Variants in PDE11A observed in about 807,000 individuals in gnomAD.
PDE11A encodes dual 3',5'-cyclic-AMP and -GMP phosphodiesterase 11A.
In PDE11A, 100 loss-of-function variants were observed where a neutral mutation model predicts 100.5. The observed-to-expected ratio is 1.00, with a 90% CI of 0.85 to 1.18. The LOEUF (loss-of-function observed/expected upper bound fraction) is 1.18. Among genes scored for constraint, PDE11A ranks in the 50% most tolerant of loss-of-function variants. The probability of loss-of-function intolerance (pLI) is 0.00; values close to 1 mark genes in which losing one functional copy is unlikely to be tolerated. For synonymous variants in PDE11A, 381 were observed against 420.8 expected, an observed-to-expected ratio of 0.91 and a Z score of 1.16; for missense variants, 1,141 against 1,152.6, an observed-to-expected ratio of 0.99 and a Z score of 0.15.
chr2:178,011,230 A>C (rs2086270588), intron 2 of PDE11A, among the ~76,000 whole-genome samples: 1 of 152,246 alleles, frequency 6.6e-6, no homozygotes, highest in African/African-American at 2.4e-5. Context: ...TCTGAGTTGT[A>C]AGTATGCAGG....
intron 9 of PDE11A, among the ~76,000 whole-genome samples, chr2:177,796,907 C>CA (rs1430548200): frequency 1.6e-4 from 24 of 152,254 alleles, no homozygotes; most frequent in African/African-American, 5.5e-4. Context: ...CCAACAGAGA[C>CA]ACTGGCTATT....
At chr2:177,645,162 G>T (rs369166689) in intron 19 of PDE11A, among the ~76,000 whole-genome samples, 6 of 152,276 alleles carry the variant, frequency 3.9e-5, no homozygotes, top group African/African-American at 1.4e-4. Context: ...AAAGATAAAG[G>T]AGAACTAGGT....
At position 178,072,689 on chromosome 2, in the gene PDE11A, C is replaced by T. The variant is rs1574384255; in HGVS notation, c.-252G>A. On this transcript the variant is annotated 5_prime_UTR_variant, in exon 1 of 20. Coordinates refer to ENST00000286063, the MANE Select transcript of PDE11A (RefSeq NM_016953.4). ...ACAGGTGCCCAGCACTGAGCTGCCGCCGCTGCCCCGGCTCCTGTTCCGGAA... is the reference window on the plus strand; with the variant it reads ...ACAGGTGCCCAGCACTGAGCTGCCGTCGCTGCCCCGGCTCCTGTTCCGGAA... 1 of 1,408,372 alleles carries T rather than the reference C, an allele frequency of 7.1e-7. No individual in the cohort carries two copies. The highest frequency in any genetic ancestry group is 2.7e-5 in the East Asian group (1 of 37,434). The allele number at this position is 1,408,372 out of a possible 1,614,324, so 87.2% of individuals were successfully genotyped here.
chr2:177,972,101 G>T (rs572547955), intron 2 of PDE11A, among the ~76,000 whole-genome samples: 2 of 152,326 alleles, frequency 1.3e-5, no homozygotes, highest in East Asian at 3.9e-4. Flanking sequence ...TATAATAGGT[G>T]AGCAGAGCTA....
chr2:177,923,854 T>G (rs964424034), intron 2 of PDE11A, among the ~76,000 whole-genome samples: 1 of 152,228 alleles, frequency 6.6e-6, no homozygotes, highest in Non-Finnish European at 1.5e-5. Flanking sequence ...CTTAAGAATG[T>G]TAGGCTGATG....
At chr2:177,651,020 A>T (rs1393759792) in intron 19 of PDE11A, among the ~76,000 whole-genome samples, 1 of 152,236 alleles carries the variant, frequency 6.6e-6, no homozygotes, top group African/African-American at 2.4e-5. Context: ...CCTGTCACTT[A>T]CTATATATTC....
At chr2:178,065,272 G>T (rs1458408781) in intron 1 of PDE11A, among the ~76,000 whole-genome samples, 1 of 152,138 alleles carries the variant, frequency 6.6e-6, no homozygotes, top group Non-Finnish European at 1.5e-5. Flanking sequence ...ACTAAAAGCT[G>T]TTTCAGAGAA....
At chr2:177,920,093 T>G (rs148541753) in intron 2 of PDE11A, among the ~76,000 whole-genome samples, 53 of 152,066 alleles carry the variant, frequency 3.5e-4, no homozygotes, top group African/African-American at 1.2e-3. Flanking sequence ...AAAGATAGAA[T>G]AAAAATATAT....
In PDE11A at chr2:177,623,430, G is replaced by A. The variant is rs1167662680; in HGVS notation, c.*5977C>T. ...GATTTCAAACAACTCAATTGAAAAC[G>A]TATTTCCTTTCTTTCGTGTAAAACA... On this transcript the variant is annotated 3_prime_UTR_variant, in exon 20 of 20. Coordinates refer to ENST00000286063, the MANE Select transcript of PDE11A (RefSeq NM_016953.4). The A allele has an allele frequency of 6.6e-6, 1 of 152,184 alleles. No individual in the cohort carries two copies. Among genetic ancestry groups the A allele is most frequent in the African/African-American group, 2.4e-5 (1 of 41,440 alleles). 9.4% of individuals were successfully genotyped at this position (152,184 alleles called of 1,614,324 possible). A position where few individuals can be genotyped will look rare whatever the true frequency, so the allele number is the denominator to read the frequency against.
intron 2 of PDE11A, among the ~76,000 whole-genome samples, chr2:177,955,496 A>C (rs1018038399): frequency 1.3e-5 from 2 of 152,160 alleles, no homozygotes; most frequent in African/African-American, 4.8e-5. Context: ...GAAATTCCCA[A>C]AGTATTCTAG....
At chr2:177,735,781 G>C (rs1006687880) in intron 10 of PDE11A, among the ~76,000 whole-genome samples, 1 of 152,230 alleles carries the variant, frequency 6.6e-6, no homozygotes, top group Admixed American at 6.5e-5. Context: ...TTGGACCACA[G>C]TGCAGGCGCC....
chr2:178,097,706 A>G (rs2087512924), intron 2 of PDE11A, among the ~76,000 whole-genome samples: 1 of 152,224 alleles, frequency 6.6e-6, no homozygotes, highest in African/African-American at 2.4e-5. Flanking sequence ...CTGCTAGCAC[A>G]ATCAGACTTC....
intron 2 of PDE11A, among the ~76,000 whole-genome samples, chr2:177,946,833 T>G (rs1281419124): frequency 2.8e-5 from 1 of 36,330 alleles, no homozygotes; most frequent in African/African-American, 1.3e-4. Flanking sequence ...GGGAGGGAGG[T>G]GGGGGGGGTC....
In PDE11A at chr2:177,816,888, T is replaced by G; in HGVS notation, c.1678A>C (p.Asn560His). The change falls in exon 9 of 20, where the codon AAC (asparagine) becomes CAC (histidine). Residue 560 changes from asparagine to histidine, a missense_variant. Transcript: ENST00000286063. ...FVIFCGLGIN[N>H]TIMYDQVKKS... ...TTCACTTGATCATACATAATTGTGTTGTTGATGCCAAGTCCACAAAAGATG... is the reference window on the plus strand; with the variant it reads ...TTCACTTGATCATACATAATTGTGTGGTTGATGCCAAGTCCACAAAAGATG... 1 of 1,611,228 alleles carries G rather than the reference T, an allele frequency of 6.2e-7. No homozygotes were observed. The highest frequency in any genetic ancestry group is 8.5e-7 in the Non-Finnish European group (1 of 1,177,498).
chr2:177,812,162 A>T lies in PDE11A; in HGVS notation c.1737+4667T>A, dbSNP rs75294918. 3.4e-4 allele frequency among the ~76,000 whole-genome samples: 51 copies of T among 151,906 alleles called. No individual in the cohort carries two copies. In the East Asian group the frequency reaches 8.9e-3, roughly 27 times the overall value. ...TGTAACTGTTAAAACAGGCTTGAAA[A>T]TTTTTTTTTAACTTATAATTTTTGT... On this transcript the variant is annotated intron_variant, in intron 9 of 19. Coordinates refer to ENST00000286063, the MANE Select transcript of PDE11A (RefSeq NM_016953.4).
At chr2:177,980,862 G>A (rs2085872009) in intron 2 of PDE11A, among the ~76,000 whole-genome samples, 1 of 144,630 alleles carries the variant, frequency 6.9e-6, no homozygotes, top group Admixed American at 6.9e-5. Context: ...AACATGAAAG[G>A]TGGGGTTGTC....
At chr2:177,789,070 G>A (rs1228130657) in intron 9 of PDE11A, among the ~76,000 whole-genome samples, 7 of 152,118 alleles carry the variant, frequency 4.6e-5, no homozygotes, top group Admixed American at 1.3e-4. Context: ...ACCAAAGCCG[G>A]GCAGAGACAC....
At chr2:177,827,905 A>G (rs904722109) in intron 6 of PDE11A, among the ~76,000 whole-genome samples, 5 of 152,240 alleles carry the variant, frequency 3.3e-5, no homozygotes, top group Non-Finnish European at 7.3e-5. Context: ...CCTAGTTGGA[A>G]TAAATCCCAA....
intron 2 of PDE11A, among the ~76,000 whole-genome samples, chr2:177,978,931 T>A (rs1574319349): frequency 1.9e-5 from 2 of 106,984 alleles, no homozygotes. Flanking sequence ...TGTGGTGGGG[T>A]CGGGGGGAGG....
Sources: allele counts gnomAD v4.1 joint callset (sites outside exome capture counted in the v4.1 genomes callset), GRCh38; gene constraint gnomAD v4.1.1; transcripts MANE v1.5; gene names NCBI Gene and HGNC (gene_info 2026-07-23, HGNC 2026-07-21).